TMPRSS9: variants seen among roughly 807,000 people sequenced by gnomAD.
TMPRSS9 encodes transmembrane protease serine 9.
TMPRSS9 carries 113 observed loss-of-function variants against 111.4 expected under a neutral mutation model. That is an observed-to-expected ratio of 1.01 (90% CI 0.87 to 1.19). The LOEUF (loss-of-function observed/expected upper bound fraction) is 1.19. TMPRSS9 is among the 50% of genes most tolerant of loss of function. The pLI is 0.00. For synonymous variants in TMPRSS9, 805 were observed against 659.1 expected (o/e 1.22, Z -3.39); for missense variants, 1,803 against 1,513.1 (o/e 1.19, Z -3.18).
chr19:2,384,078 G>C (rs1229331325), intron 1 of TMPRSS9, among the ~76,000 whole-genome samples: 1 of 152,012 alleles, frequency 6.6e-6, no homozygotes, highest in African/African-American at 2.4e-5. Context: ...AGAAGCCCTC[G>C]GCCACGTGGG....
At chr19:2,408,990 A>AAAAAAT (rs1971034097) in intron 8 of TMPRSS9, among the ~76,000 whole-genome samples, 1 of 125,008 alleles carries the variant, frequency 8.0e-6, no homozygotes, top group South Asian at 2.7e-4. Flanking sequence ...CTCCATCTCA[A>AAAAAAT]AATAATAATA....
At chr19:2,387,334 A>C (rs1320427016), upstream of TMPRSS9, among the ~76,000 whole-genome samples, 1 of 151,928 alleles carries the variant, frequency 6.6e-6, no homozygotes, top group African/African-American at 2.4e-5. Context: ...CTCTCTACTA[A>C]AAATATAAAA....
chr19:2,398,981 C>G, intron 3 of TMPRSS9, 37 bp from the exon 5 acceptor site: 1 of 1,594,836 alleles, frequency 6.3e-7, no homozygotes, highest in South Asian at 1.1e-5. Flanking sequence ...AGGGCGGAGC[C>G]CCTCCCTCTC....
chr19:2,416,614 G>C (rs1352924635), exon 12 of TMPRSS9: 1 of 1,612,468 alleles, frequency 6.2e-7, no homozygotes, highest in East Asian at 2.2e-5. Context: ...GGTGAAGATC[G>C]GGCTGCGGCG....
At chr19:2,371,366 G>C (rs912911490) in intron 1 of TMPRSS9, among the ~76,000 whole-genome samples, 12 of 152,204 alleles carry the variant, frequency 7.9e-5, no homozygotes, top group African/African-American at 2.9e-4. Context: ...TCGGTAGGTT[G>C]GCCAGATGTC....
intron 6 of TMPRSS9, among the ~76,000 whole-genome samples, chr19:2,404,990 AATT>A (rs1433577945): frequency 6.6e-6 from 1 of 152,046 alleles, no homozygotes; most frequent in Non-Finnish European, 1.5e-5. Flanking sequence ...CTGTGATGAT[AATT>A]ATTATATATA....
At chr19:2,392,647 C>T (rs553688447) in intron 1 of TMPRSS9, among the ~76,000 whole-genome samples, 3 of 152,178 alleles carry the variant, frequency 2.0e-5, no homozygotes, top group Non-Finnish European at 2.9e-5. Flanking sequence ...TGTATATGCA[C>T]CAGTGAACAC....
chr19:2,389,966 G>A (rs1970551097), intron 1 of TMPRSS9, 39 bp downstream of exon 2: 1 of 1,584,756 alleles, frequency 6.3e-7, no homozygotes. Flanking sequence ...GCAATACAAG[G>A]GACATGTGCA....
intron 6 of TMPRSS9, among the ~76,000 whole-genome samples, chr19:2,403,810 G>A (rs762951078): frequency 4.6e-5 from 7 of 151,978 alleles, no homozygotes; most frequent in Non-Finnish European, 8.8e-5. Context: ...TGGCTAACAC[G>A]GTGAAACCCC....
chr19:2,378,639 A>G (rs1970357223), intron 1 of TMPRSS9, among the ~76,000 whole-genome samples: 1 of 152,130 alleles, frequency 6.6e-6, no homozygotes, highest in Admixed American at 6.6e-5. Flanking sequence ...AATTGCTTGA[A>G]CCTGGGAGGC....
At chr19:2,381,214 T>C (rs988881575) in intron 1 of TMPRSS9, among the ~76,000 whole-genome samples, 3 of 152,050 alleles carry the variant, frequency 2.0e-5, no homozygotes, top group South Asian at 2.1e-4. Context: ...GGCGCTTCTA[T>C]GTTTGATGCT....
chr19:2,413,283 C>T (rs571520662), intron 9 of TMPRSS9, among the ~76,000 whole-genome samples: 4 of 152,178 alleles, frequency 2.6e-5, no homozygotes, highest in South Asian at 2.1e-4. Flanking sequence ...TGAGGCCGGA[C>T]GAGTGACAGC....
rs1346464115 is a variant in TMPRSS9 at position 2,418,248 on chromosome 19, CCCCCTCCT to C, written c.2154+111_2154+118del. Reference sequence around the variant, plus strand: ...AGATTTTTTTCCTTTCTTTCCTTCCCCCCCTCCTTCCCTCCTTGTCCTTCCCTCCTTTT... The same window carrying C: ...AGATTTTTTTCCTTTCTTTCCTTCCCTCCCTCCTTGTCCTTCCCTCCTTTT... On this transcript the variant is annotated intron_variant, in intron 13 of 17. Transcript: ENST00000648592. 4,396 of 1,377,756 alleles carry C rather than the reference CCCCCTCCT, an allele frequency of 3.2e-3. 113 individuals carry two copies. The highest frequency in any genetic ancestry group is 0.013 in the African/African-American group (892 of 67,354). 85.3% of individuals were successfully genotyped at this position (1,377,756 alleles called of 1,614,324 possible). A position where few individuals can be genotyped will look rare whatever the true frequency, so the allele number is the denominator to read the frequency against.
chr19:2,363,803 TGCGTGCGCGC>T (rs1970224569), intron 1 of TMPRSS9, among the ~76,000 whole-genome samples: 27 of 116,632 alleles, frequency 2.3e-4, no homozygotes, highest in African/African-American at 8.3e-4. Context: ...TGTGTGTGTG[TGCGTGCGCGC>T]GTGTGTGTGT....
Position 2,402,033 on chromosome 19 carries a change from G to T in TMPRSS9, c.556+17G>T, listed in dbSNP as rs1457361711. 1 of 1,609,076 alleles carries T rather than the reference G, an allele frequency of 6.2e-7. No homozygotes were observed. The highest frequency in any genetic ancestry group is 1.1e-5 in the South Asian group (1 of 90,932). ...TCAAATCAGGTATGTTTTTCTCTCT[G>T]GCCTTTTCTCTGATTGCAGTTACTG... On this transcript the variant is annotated intron_variant, in intron 5 of 17. Coordinates refer to ENST00000648592, the Ensembl canonical transcript of TMPRSS9.
At chr19:2,426,034 C>T (rs1247963881) in exon 18 of TMPRSS9, 4 of 1,609,242 alleles carry the variant, frequency 2.5e-6, no homozygotes, top group Non-Finnish European at 3.4e-6. Context: ...TCCCAGGTGT[C>T]TATACCCGGG....
chr19:2,424,112 C>A, exon 15 of TMPRSS9: 1 of 1,339,474 alleles, frequency 7.5e-7, no homozygotes, highest in Non-Finnish European at 9.6e-7. Context: ...GCCGGCCGCG[C>A]TCACCAGGAT....
intron 1 of TMPRSS9, among the ~76,000 whole-genome samples, chr19:2,375,765 T>A (rs571096400): frequency 6.6e-6 from 1 of 152,072 alleles, no homozygotes; most frequent in Admixed American, 6.6e-5. Flanking sequence ...TGGACCTTCA[T>A]TGAAGAAAGG....
At chr19:2,369,517 T>G (rs1291064495) in intron 1 of TMPRSS9, among the ~76,000 whole-genome samples, 1 of 151,706 alleles carries the variant, frequency 6.6e-6, no homozygotes, top group African/African-American at 2.4e-5. Flanking sequence ...CTCAACCTCC[T>G]GGGCTCAAGT....
Sources: allele counts gnomAD v4.1 joint callset (sites outside exome capture counted in the v4.1 genomes callset), GRCh38; gene constraint gnomAD v4.1.1; transcripts MANE v1.5; gene names NCBI Gene and HGNC (gene_info 2026-07-23, HGNC 2026-07-21).